Variants in PPM1E observed in about 807,000 individuals in gnomAD.
The protein encoded by PPM1E is protein phosphatase 1E.
A neutral mutation model predicts 65.9 loss-of-function variants in PPM1E; 20 were observed. The observed-to-expected ratio is 0.30, with a 90% CI of 0.21 to 0.44. PPM1E has a LOEUF of 0.44. Ranked by LOEUF, PPM1E falls within the 20% of genes least tolerant of loss-of-function variation. The pLI, the probability that PPM1E is intolerant of heterozygous loss-of-function variation, is 1.00. For missense variants in PPM1E, 713 were observed against 953.1 expected (o/e 0.75, Z 3.32); for synonymous variants, 352 against 374.9 (o/e 0.94, Z 0.70).
intron 1 of PPM1E, among the ~76,000 whole-genome samples, chr17:58,826,118 G>A (rs1400867275): frequency 4.0e-5 from 6 of 151,276 alleles, no homozygotes; most frequent in African/African-American, 7.3e-5. Context: ...GTGAAACCCC[G>A]TCTCTACTAA....
At chr17:58,775,376 G>C (rs1005070675) in intron 1 of PPM1E, among the ~76,000 whole-genome samples, 1 of 152,074 alleles carries the variant, frequency 6.6e-6, no homozygotes. Context: ...ATATGAGCCA[G>C]TATAATCTAG....
intron 1 of PPM1E, among the ~76,000 whole-genome samples, chr17:58,904,843 T>G (rs1419303991): frequency 1.4e-5 from 2 of 145,528 alleles, no homozygotes; most frequent in Admixed American, 1.4e-4. Flanking sequence ...AAACCCCATC[T>G]CTACTAAAAA....
intron 1 of PPM1E, among the ~76,000 whole-genome samples, chr17:58,914,011 T>C (rs1039345387): frequency 3.3e-5 from 5 of 152,180 alleles, no homozygotes; most frequent in Non-Finnish European, 5.9e-5. Context: ...AAATTCCTCC[T>C]ATAGTTCCTC....
chr17:58,758,968 G>T (rs770263092), intron 1 of PPM1E, among the ~76,000 whole-genome samples: 40 of 152,072 alleles, frequency 2.6e-4, no homozygotes, highest in Non-Finnish European at 3.5e-4. Flanking sequence ...TACTCAAAAG[G>T]CTGAGCCACA....
chr17:58,921,763 G>A (rs1213320870), intron 1 of PPM1E, among the ~76,000 whole-genome samples: 12 of 149,082 alleles, frequency 8.0e-5, no homozygotes, highest in Admixed American at 6.0e-4. Context: ...GAGTGTGGCC[G>A]GGCACGGTGG....
intron 1 of PPM1E, among the ~76,000 whole-genome samples, chr17:58,788,224 A>C (rs1203942792): frequency 6.6e-6 from 1 of 151,884 alleles, no homozygotes; most frequent in African/African-American, 2.4e-5. Context: ...CTAATTTTTG[A>C]ACTTTTAGTA....
At chr17:58,870,042 G>A (rs1344117731) in intron 1 of PPM1E, among the ~76,000 whole-genome samples, 1 of 152,126 alleles carries the variant, frequency 6.6e-6, no homozygotes, top group Non-Finnish European at 1.5e-5. Flanking sequence ...CTTTGAGCAT[G>A]GTTGATAAAT....
chr17:58,756,889 G>C (rs1662860153), intron 1 of PPM1E, among the ~76,000 whole-genome samples: 1 of 152,202 alleles, frequency 6.6e-6, no homozygotes, highest in South Asian at 2.1e-4. Flanking sequence ...TCCCACCCCA[G>C]TCTGTCTTTT....
At chr17:58,880,606 GAGTT>G (rs2051183918) in intron 1 of PPM1E, among the ~76,000 whole-genome samples, 1 of 130,086 alleles carries the variant, frequency 7.7e-6, no homozygotes, top group African/African-American at 2.8e-5. Context: ...TGTTGTGAAA[GAGTT>G]TGTTTGTTTG....
At chr17:58,955,970 T>C (rs1158161447) in intron 2 of PPM1E, among the ~76,000 whole-genome samples, 1 of 152,078 alleles carries the variant, frequency 6.6e-6, no homozygotes, top group African/African-American at 2.4e-5. Flanking sequence ...ATGTGTATTT[T>C]GAAAAAGGTA....
In PPM1E at chr17:58,967,779, TCTAC is replaced by T. The variant is rs201579291; in HGVS notation, c.784-1757_784-1754del. On this transcript the variant is annotated intron_variant, in intron 3 of 6. Transcript: ENST00000308249. ...GTACTGCTTTAGTAGGGATAGAAAT[TCTAC>T]CTGTCAGCATTCTTTATTTCTTTTT... Among the ~76,000 whole-genome samples the T allele has an allele frequency of 6.9e-4, 105 of 151,892 alleles. 4 individuals are homozygous for T. In the East Asian group the frequency reaches 0.02, roughly 29 times the overall value.
intron 1 of PPM1E, among the ~76,000 whole-genome samples, chr17:58,833,698 CAT>C (rs2050626805): frequency 6.6e-6 from 1 of 152,062 alleles, no homozygotes; most frequent in East Asian, 1.9e-4. Flanking sequence ...CATGCGAGTG[CAT>C]ATGTCTTTTT....
chr17:58,896,124 A>G lies in PPM1E; in HGVS notation c.465-59525A>G, dbSNP rs571997617. Among the ~76,000 whole-genome samples the G allele has an allele frequency of 1.7e-3, 238 of 136,948 alleles. 8 individuals are homozygous for G. The highest frequency in any genetic ancestry group is 0.017 in the Admixed American group (237 of 13,938). 89.8% of individuals were successfully genotyped at this position (136,948 alleles called of 152,430 possible). Reference sequence around the variant, plus strand: ...AGCAAGACTCTGTCTCAAAAAAAAAAGAAAAAGAAAAAGAAAAAGCGAAAC... The same window carrying G: ...AGCAAGACTCTGTCTCAAAAAAAAAGGAAAAAGAAAAAGAAAAAGCGAAAC... On this transcript the variant is annotated intron_variant, in intron 1 of 6. Coordinates refer to ENST00000308249, the MANE Select transcript of PPM1E (RefSeq NM_014906.5).
intron 1 of PPM1E, among the ~76,000 whole-genome samples, chr17:58,817,491 A>G (rs1200761117): frequency 1.3e-5 from 2 of 152,118 alleles, no homozygotes. Flanking sequence ...GGGTAATAAC[A>G]TTTCTATATT....
intron 1 of PPM1E, among the ~76,000 whole-genome samples, chr17:58,773,027 C>T: frequency 6.7e-6 from 1 of 150,186 alleles, no homozygotes. Flanking sequence ...TGATGCCAAG[C>T]TGTGTGGGGA....
chr17:58,781,361 C>T (rs2050047981), intron 1 of PPM1E, among the ~76,000 whole-genome samples: 1 of 151,546 alleles, frequency 6.6e-6, no homozygotes, highest in Admixed American at 6.6e-5. Context: ...AGCTGGTCTC[C>T]AACTCCTGAC....
chr17:58,810,021 A>C (rs1422856922), intron 1 of PPM1E, among the ~76,000 whole-genome samples: 1 of 145,030 alleles, frequency 6.9e-6, no homozygotes, highest in Admixed American at 6.9e-5. Flanking sequence ...TATTAGTAAG[A>C]TATTTTACAG....
intron 4 of PPM1E, 112 bp from the exon 5 acceptor site, chr17:58,972,020 A>G (rs556217616): frequency 1.7e-5 from 17 of 1,008,410 alleles, no homozygotes; most frequent in Middle Eastern, 6.0e-4. Context: ...GTGAAATTCC[A>G]TTATTAATAG....
chr17:58,806,660 T>G (rs960397259), intron 1 of PPM1E, among the ~76,000 whole-genome samples: 1 of 151,920 alleles, frequency 6.6e-6, no homozygotes, highest in East Asian at 1.9e-4. Flanking sequence ...TGCCACAGGA[T>G]CACAGGATAA....
Sources: gnomAD v4.1 joint callset for allele counts (sites outside exome capture counted in the v4.1 genomes callset) on GRCh38, gnomAD v4.1.1 for gene constraint, MANE v1.5 for transcripts, NCBI Gene and HGNC (gene_info 2026-07-23, HGNC 2026-07-21) for gene names.